Variants in ANKFY1 observed in about 807,000 individuals in gnomAD.
ANKFY1 encodes ankyrin repeat and FYVE domain-containing protein 1.
A neutral mutation model predicts 128.3 loss-of-function variants in ANKFY1; 47 were observed. That is an observed-to-expected ratio of 0.37 (90% CI 0.29 to 0.47). ANKFY1 has a LOEUF of 0.47. ANKFY1 is among the 20% of genes least tolerant of loss of function. ANKFY1 has a pLI of 1.00. For missense variants in ANKFY1, 1,222 were observed against 1,510.6 expected, an observed-to-expected ratio of 0.81 and a Z score of 3.17; for synonymous variants, 553 against 601.6, an observed-to-expected ratio of 0.92 and a Z score of 1.18.
At chr17:4,238,391 C>A (rs572900652) in intron 2 of ANKFY1, among the ~76,000 whole-genome samples, 1 of 152,068 alleles carries the variant, frequency 6.6e-6, no homozygotes. Flanking sequence ...ACAGCTTAGT[C>A]CCCTATGAAG....
rs145584628 is a variant in ANKFY1 at position 4,216,343 on chromosome 17, C to T, written c.458+640G>A. Among the ~76,000 whole-genome samples, 1,142 of 152,362 alleles carry T rather than the reference C, an allele frequency of 7.5e-3. 6 individuals are homozygous for T. Among genetic ancestry groups the T allele is most frequent in the Middle Eastern group, 0.014 (4 of 294 alleles). On this transcript the variant is annotated intron_variant, in intron 4 of 24. Coordinates refer to ENST00000341657, the MANE Select transcript of ANKFY1 (RefSeq NM_001330063.2). ...AGCCACTCCATCAGCAAGCTGATTA[C>T]CAAGAGCCACAGCTCCAATAGAAAG...
At chr17:4,246,232 CAA>C (rs1967533344) in intron 1 of ANKFY1, among the ~76,000 whole-genome samples, 1 of 152,078 alleles carries the variant, frequency 6.6e-6, no homozygotes, top group African/African-American at 2.4e-5. Context: ...TATCTTACTT[CAA>C]AAGATTTAAA....
chr17:4,204,227 C>T (rs1387309931), intron 7 of ANKFY1, among the ~76,000 whole-genome samples: 4 of 152,204 alleles, frequency 2.6e-5, no homozygotes, highest in Non-Finnish European at 2.9e-5. Flanking sequence ...CAGGGGCAAG[C>T]GATGAATGGC....
chr17:4,175,040 G>C (rs1031768100), intron 19 of ANKFY1, among the ~76,000 whole-genome samples: 4 of 150,018 alleles, frequency 2.7e-5, no homozygotes, highest in Admixed American at 2.6e-4. Context: ...TTTTTTAAAA[G>C]AAAGAACACA....
intron 3 of ANKFY1, among the ~76,000 whole-genome samples, chr17:4,227,054 C>T (rs1054642028): frequency 2.6e-5 from 4 of 152,124 alleles, no homozygotes; most frequent in Non-Finnish European, 5.9e-5. Context: ...TATATCTATA[C>T]AAAATACATA....
chr17:4,174,355 C>T (rs1161444235), intron 19 of ANKFY1, among the ~76,000 whole-genome samples: 1 of 152,136 alleles, frequency 6.6e-6, no homozygotes, highest in African/African-American at 2.4e-5. Context: ...GTGATGGCCG[C>T]TGTACTATCT....
chr17:4,178,904 T>C lies in ANKFY1; in HGVS notation c.2551A>G (p.Lys851Glu), dbSNP rs1346592434. The C allele has an allele frequency of 5.0e-6, 8 of 1,613,966 alleles. No individual in the cohort carries two copies. Among genetic ancestry groups the C allele is most frequent in the African/African-American group, 1.3e-5 (1 of 74,908 alleles). ...FACAMTFKNN[K>E]SAEAILKRES... is the part of the protein sequence containing the mutation. ...CGTTTGAGAATGGCCTCGGCTGACT[T>C]GTTGTTCTTGAAAGTCATGGCACAG... Residue 851 changes from lysine (K) to glutamate (E), a missense_variant, in exon 18 of 25, where the codon AAG becomes GAG. Physicochemically the swap from Lys to Glu is moderately conservative, Grantham distance 56 (BLOSUM62 1). Coordinates refer to ENST00000341657, the MANE Select transcript of ANKFY1 (RefSeq NM_001330063.2). This position sits in a 1 kb window ranked among gnomAD's most constrained non-coding sequence, Gnocchi z 4.1.
chr17:4,198,717 T>G (rs1371164495), intron 7 of ANKFY1, among the ~76,000 whole-genome samples: 1 of 152,184 alleles, frequency 6.6e-6, no homozygotes, highest in East Asian at 1.9e-4. Context: ...ACTGACTTAA[T>G]AAGAAGTTTA....
At chr17:4,201,068 T>C (rs990576502) in intron 7 of ANKFY1, among the ~76,000 whole-genome samples, 1 of 152,224 alleles carries the variant, frequency 6.6e-6, no homozygotes, top group African/African-American at 2.4e-5. Flanking sequence ...TCTCACTCTG[T>C]TGGTCAAGCT....
chr17:4,251,388 A>G (rs923651073), intron 1 of ANKFY1, among the ~76,000 whole-genome samples: 1 of 152,104 alleles, frequency 6.6e-6, no homozygotes, highest in African/African-American at 2.4e-5. Context: ...ATAAAGCACT[A>G]TGATCACATC....
intron 1 of ANKFY1, among the ~76,000 whole-genome samples, chr17:4,260,595 G>C (rs1001872365): frequency 1.4e-5 from 2 of 145,138 alleles, no homozygotes; most frequent in African/African-American, 5.2e-5. Context: ...TCCAGCCTGG[G>C]TGACGGAGTG....
intron 3 of ANKFY1, chr17:4,223,278 T>C: frequency 1.1e-6 from 1 of 934,336 alleles, no homozygotes; most frequent in South Asian, 1.3e-5. Flanking sequence ...TGAGGGAATC[T>C]TCACTTGTTT....
At position 4,164,549 on chromosome 17, in the gene ANKFY1, C is replaced by T. The variant is rs778374192; in HGVS notation, c.*3230G>A. ...CAAGTGTCTGTCATGGAAACATTAC[C>T]CTTCCTTGTTCCTGCTACTGTCACC... On this transcript the variant is annotated 3_prime_UTR_variant, in exon 25 of 25. Transcript: ENST00000341657. 4 of 152,216 alleles carry T rather than the reference C, an allele frequency of 2.6e-5. No individual in the cohort carries two copies. Among genetic ancestry groups the T allele is most frequent in the African/African-American group, 4.8e-5 (2 of 41,458 alleles). 9.4% of individuals were successfully genotyped at this position (152,216 alleles called of 1,614,324 possible). A position where few individuals can be genotyped will look rare whatever the true frequency, so the allele number is the denominator to read the frequency against.
rs2142999149 is a variant in ANKFY1, at chr17:4,169,372, G to A, written c.3287-84C>T. ...AGGGCTTGGAGGCAGCAGGAACACA[G>A]ACCCGTAAGTGAGGCAGCGCTGCCA... On this transcript the variant is annotated intron_variant, in intron 23 of 24. Transcript: ENST00000341657. The surrounding 1 kb of genome is among the most constrained non-coding windows in gnomAD (Gnocchi z 5.0). 1 of 1,047,150 alleles carries A rather than the reference G, an allele frequency of 9.5e-7. No individual in the cohort carries two copies. Among genetic ancestry groups the A allele is most frequent in the South Asian group, 1.4e-5 (1 of 71,212 alleles). 64.9% of individuals were successfully genotyped at this position (1,047,150 alleles called of 1,614,324 possible).
At chr17:4,263,483 A>AAAC in intron 1 of ANKFY1, 2 of 695,306 alleles carry the variant, frequency 2.9e-6, no homozygotes, top group Non-Finnish European at 4.1e-6. Context: ...ACCCCACCTC[A>AAAC]CCCCAACCCA....
intron 5 of ANKFY1, 32 bp downstream of exon 5, chr17:4,209,792 A>G (rs1428153171): frequency 3.2e-6 from 5 of 1,583,428 alleles, no homozygotes; most frequent in Middle Eastern, 1.7e-4. Flanking sequence ...TGCCAGCTAG[A>G]GTGCTTTGTT....
At position 4,242,422 on chromosome 17, in the gene ANKFY1, A is replaced by T. The variant is rs937521295; in HGVS notation, c.37T>A (p.Leu13Met). 3 of 1,564,832 alleles carry T rather than the reference A, an allele frequency of 1.9e-6. No homozygotes were observed. The highest frequency in any genetic ancestry group is 2.6e-6 in the Non-Finnish European group (3 of 1,160,642). The change falls in exon 2 of 25, where the codon TTG becomes ATG. Residue 13 changes from leucine (L) to methionine (M), a missense_variant. Leu to Met is a conservative substitution (Grantham distance 15). Coordinates refer to ENST00000341657, the MANE Select transcript of ANKFY1 (RefSeq NM_001330063.2). ...ACATACTCCTGCCGCAGAAGCATCA[A>T]GTGCTTCTCCAACTTGGCCACCTCC... is the stretch of plus-strand genomic sequence containing the variant. ...EEEVAKLEKH[L>M]MLLRQEYVKL...
intron 14 of ANKFY1, among the ~76,000 whole-genome samples, chr17:4,182,904 G>A (rs1214459792): frequency 3.9e-5 from 6 of 152,100 alleles, no homozygotes; most frequent in South Asian, 2.1e-4. Flanking sequence ...TCAGGAGTTC[G>A]AGACCAGCCT....
intron 19 of ANKFY1, among the ~76,000 whole-genome samples, chr17:4,174,725 C>G (rs1414503698): frequency 1.3e-5 from 2 of 151,832 alleles, no homozygotes; most frequent in African/African-American, 4.8e-5. Context: ...CTATTGTTTT[C>G]TATTTATTAT....
Sources: gnomAD v4.1 joint callset for allele counts (sites outside exome capture counted in the v4.1 genomes callset) on GRCh38, gnomAD v4.1.1 for gene constraint, Gnocchi (gnomAD v3.1) non-coding constraint, MANE v1.5 for transcripts, NCBI Gene and HGNC (gene_info 2026-07-23, HGNC 2026-07-21) for gene names.